KLHL4: variants seen among roughly 807,000 people sequenced by gnomAD.
The protein encoded by KLHL4 is kelch like family member 4.
In KLHL4, 17 loss-of-function variants were observed where a neutral mutation model predicts 45.8. The observed-to-expected ratio is 0.37, with a 90% CI of 0.25 to 0.56. The LOEUF (loss-of-function observed/expected upper bound fraction) is 0.56, where lower values mean the gene tolerates loss of function less well. Ranked by LOEUF, KLHL4 falls within the 20% of genes least tolerant of loss-of-function variation. KLHL4 has a pLI of 0.79. For synonymous variants in KLHL4, 224 were observed against 189.9 expected, an observed-to-expected ratio of 1.18 and a Z score of -1.47; for missense variants, 544 against 544.9, an observed-to-expected ratio of 1.00 and a Z score of 0.02.
chrX:87,546,827 G>T (rs984944510), intron 1 of KLHL4, among the ~76,000 whole-genome samples: 2 of 112,790 alleles, frequency 1.8e-5, no homozygotes, highest in African/African-American at 6.4e-5. Flanking sequence ...GATTATTTTT[G>T]AGCTTTAAGG....
intron 9 of KLHL4, among the ~76,000 whole-genome samples, chrX:87,661,385 T>A (rs1421994017): frequency 9.0e-6 from 1 of 111,666 alleles, no homozygotes; most frequent in African/African-American, 3.3e-5. Context: ...AATTAAATAA[T>A]CATTTTTATT....
chrX:87,632,434 G>A lies in KLHL4; in HGVS notation c.1549G>A (p.Gly517Ser). The A allele has an allele frequency of 8.6e-7, 1 of 1,158,334 alleles. No individual in the cohort carries two copies. The highest frequency in any genetic ancestry group is 1.2e-6 in the Non-Finnish European group (1 of 850,797). ...CATGTCAACACATCGGCACGGCTTA[G>A]GTAAGAGCTTAACGTAATGTATTTT... ...PPMSTHRHGLGVATLEGPMYA... is the reference protein window; with the variant it reads ...PPMSTHRHGLSVATLEGPMYA... Residue 517 changes from glycine (G) to serine (S), a missense_variant and splice_region_variant, in exon 7 of 11, where the codon GGT (glycine) becomes AGT (serine). Gly to Ser is a moderately conservative substitution (Grantham distance 56). Coordinates refer to ENST00000373119, the MANE Select transcript of KLHL4 (RefSeq NM_019117.5).
At chrX:87,557,253 T>C (rs765712370) in intron 1 of KLHL4, among the ~76,000 whole-genome samples, 6 of 111,764 alleles carry the variant, frequency 5.4e-5, no homozygotes, top group Non-Finnish European at 1.1e-4. Context: ...ATAACTGAGA[T>C]TGTGTACCCA....
chrX:87,589,246 G>A (rs1921583104), intron 1 of KLHL4, among the ~76,000 whole-genome samples: 1 of 111,809 alleles, frequency 8.9e-6, no homozygotes, highest in Non-Finnish European at 1.9e-5. Context: ...GAACAATTTG[G>A]ATGTTCCTCA....
chrX:87,581,686 A>G (rs1921286350), intron 1 of KLHL4, among the ~76,000 whole-genome samples: 1 of 112,392 alleles, frequency 8.9e-6, no homozygotes, highest in Non-Finnish European at 1.9e-5. Context: ...AAAAAAAACC[A>G]GAAAAACTCC....
chrX:87,635,809 A>C (rs761169775), intron 9 of KLHL4, 34 bp downstream of exon 9: 1 of 1,011,247 alleles, frequency 9.9e-7, no homozygotes, highest in African/African-American at 1.9e-5. Context: ...GTATGTAATT[A>C]TTTGGTTATT....
rs139380426 is a variant in KLHL4, at chrX:87,653,697, C to G, written c.1926-11067C>G. ...TCACATGCATATGTTCATTACAGCA[C>G]CATTCATAATAGCAAAGACATATAA... On this transcript the variant is annotated intron_variant, in intron 9 of 10. Transcript: ENST00000373119. Among the ~76,000 whole-genome samples the G allele has an allele frequency of 5.4e-5, 6 of 111,577 alleles. No homozygotes were observed. The East Asian group carries it at 1.7e-3, about 31-fold the overall frequency.
Position 87,635,719 on chromosome X carries a change from G to C in KLHL4, c.1869G>C (p.Gly623=). The C allele has an allele frequency of 8.3e-7, 1 of 1,204,353 alleles. No homozygotes were observed. The highest frequency in any genetic ancestry group is 1.1e-6 in the Non-Finnish European group (1 of 890,636). The change falls in exon 9 of 11, where the codon GGG becomes GGC. Residue 623 remains glycine (G), a synonymous_variant. Transcript: ENST00000373119. The part of the protein sequence containing the change: ...ATYNGFLYVV[G]GHDAPASNHC... ...ACAATGGATTCTTATATGTTGTAGG[G>C]GGGCATGATGCCCCTGCTTCCAACC... is the stretch of plus-strand genomic sequence containing the variant.
intron 1 of KLHL4, among the ~76,000 whole-genome samples, chrX:87,558,997 G>A (rs1225840677): frequency 9.0e-6 from 1 of 111,611 alleles, no homozygotes; most frequent in Non-Finnish European, 1.9e-5. Context: ...GCATGTTGTG[G>A]GACAGTAGTA....
chrX:87,601,746 T>G (rs1922025149), intron 1 of KLHL4, among the ~76,000 whole-genome samples: 2 of 111,709 alleles, frequency 1.8e-5, no homozygotes, highest in Non-Finnish European at 3.8e-5. Context: ...CCTGGCTACC[T>G]ACTCTAAAAA....
At chrX:87,573,467 T>C (rs1250043566) in intron 1 of KLHL4, among the ~76,000 whole-genome samples, 1 of 111,275 alleles carries the variant, frequency 9.0e-6, no homozygotes, top group Non-Finnish European at 1.9e-5. Context: ...ACTTCAATAG[T>C]GACTAGTTTA....
intron 1 of KLHL4, among the ~76,000 whole-genome samples, chrX:87,590,271 T>A (rs191384469): frequency 9.1e-6 from 1 of 110,378 alleles, no homozygotes; most frequent in African/African-American, 3.3e-5. Context: ...ACCTACTATG[T>A]ACCCACAAAC....
At position 87,576,810 on chromosome X, in the gene KLHL4, C is replaced by A. The variant is rs892859985; in HGVS notation, c.423-37067C>A. 2.7e-5 allele frequency among the ~76,000 whole-genome samples: 3 copies of A among 111,398 alleles called. No individual in the cohort carries two copies. The Admixed American group carries it at 2.9e-4, about 11-fold the overall frequency. ...ACAATATTTTTTATGAGGACTCTCTCTACATACACATAGATATGGATATAC... is the reference window on the plus strand; with the variant it reads ...ACAATATTTTTTATGAGGACTCTCTATACATACACATAGATATGGATATAC... On this transcript the variant is annotated intron_variant, in intron 1 of 10. Transcript: ENST00000373119.
At chrX:87,556,878 G>C (rs1477813218) in intron 1 of KLHL4, among the ~76,000 whole-genome samples, 1 of 110,496 alleles carries the variant, frequency 9.1e-6, no homozygotes, top group Non-Finnish European at 1.9e-5. Flanking sequence ...TAATGGAGGG[G>C]CACTAATAGA....
intron 9 of KLHL4, among the ~76,000 whole-genome samples, chrX:87,649,093 C>T (rs1277258424): frequency 9.0e-6 from 1 of 111,298 alleles, no homozygotes; most frequent in Non-Finnish European, 1.9e-5. Context: ...GTGACATATA[C>T]ACACTGTTTT....
chrX:87,634,976 A>C (rs2147825520), intron 8 of KLHL4, among the ~76,000 whole-genome samples: 1 of 111,988 alleles, frequency 8.9e-6, no homozygotes, highest in Admixed American at 9.5e-5. Context: ...AAATTATATT[A>C]AAAATACTAC....
intron 9 of KLHL4, among the ~76,000 whole-genome samples, chrX:87,646,460 A>T (rs1171874886): frequency 5.4e-5 from 6 of 111,824 alleles, no homozygotes; most frequent in African/African-American, 1.9e-4. Context: ...AAAATGAACA[A>T]ATCTAGAGGC....
intron 9 of KLHL4, among the ~76,000 whole-genome samples, chrX:87,651,209 C>G (rs1211111788): frequency 3.6e-5 from 4 of 111,419 alleles, no homozygotes; most frequent in Non-Finnish European, 3.8e-5. Context: ...AATTATCTCC[C>G]ACCGGGTCCC....
chrX:87,589,183 G>A (rs1921580944), intron 1 of KLHL4, among the ~76,000 whole-genome samples: 1 of 111,714 alleles, frequency 9.0e-6, no homozygotes, highest in Admixed American at 9.5e-5. Context: ...GTGGAGAAAA[G>A]GGAATCCTTG....
Sources: allele counts gnomAD v4.1 joint callset (sites outside exome capture counted in the v4.1 genomes callset), GRCh38; gene constraint gnomAD v4.1.1; transcripts MANE v1.5; gene names NCBI Gene and HGNC (gene_info 2026-07-23, HGNC 2026-07-21).